TSHZ3: variants seen among roughly 807,000 people sequenced by gnomAD.
TSHZ3 encodes teashirt zinc finger homeobox 3, also known as teashirt homolog 3.
In TSHZ3, 10 loss-of-function variants were observed where a neutral mutation model predicts 64.5. The ratio of observed to expected loss-of-function variants is 0.16; its 90% CI spans 0.10 to 0.26. The LOEUF is 0.26. TSHZ3 is among the 10% of genes least tolerant of loss of function. The probability of loss-of-function intolerance (pLI) is 1.00; values close to 1 mark genes in which losing one functional copy is unlikely to be tolerated. For missense variants in TSHZ3, 1,242 were observed against 1,421.7 expected (o/e 0.87, Z 2.03); for synonymous variants, 608 against 593.1 (o/e 1.03, Z -0.36).
chr19:31,313,532 C>T (rs1408235507), intron 1 of TSHZ3, among the ~76,000 whole-genome samples: 2 of 152,204 alleles, frequency 1.3e-5, no homozygotes, highest in Non-Finnish European at 2.9e-5. Context: ...CACTGCGTAC[C>T]ACCTGCCTGT....
At chr19:31,331,144 C>A (rs1172544733) in intron 1 of TSHZ3, among the ~76,000 whole-genome samples, 1 of 152,110 alleles carries the variant, frequency 6.6e-6, no homozygotes, top group East Asian at 1.9e-4. Flanking sequence ...CTAAGAGAGA[C>A]CCCCGGGCTG....
chr19:31,204,489 A>G (rs1052773666), intron 5 of TSHZ3, among the ~76,000 whole-genome samples: 1 of 152,022 alleles, frequency 6.6e-6, no homozygotes, highest in East Asian at 1.9e-4. Context: ...AGTTAAAATT[A>G]TGTAAATTAA....
chr19:31,222,334 AG>A (rs1975403586), intron 4 of TSHZ3, among the ~76,000 whole-genome samples: 1 of 152,242 alleles, frequency 6.6e-6, no homozygotes, highest in Non-Finnish European at 1.5e-5. Context: ...GAATGGGGTC[AG>A]TCAAACGCAT....
intron 1 of TSHZ3, among the ~76,000 whole-genome samples, chr19:31,307,567 C>T (rs1166380004): frequency 6.6e-6 from 1 of 152,166 alleles, no homozygotes; most frequent in Non-Finnish European, 1.5e-5. Context: ...GCCAAGGGTG[C>T]CCCCCAAGCC....
chr19:31,316,223 C>G (rs1186452012), intron 1 of TSHZ3, among the ~76,000 whole-genome samples: 2 of 152,170 alleles, frequency 1.3e-5, no homozygotes, highest in Non-Finnish European at 2.9e-5. Flanking sequence ...GAGTTCCCTG[C>G]TACTTAAAAT....
intron 4 of TSHZ3, among the ~76,000 whole-genome samples, chr19:31,227,614 A>C (rs1322414484): frequency 2.0e-5 from 3 of 152,154 alleles, no homozygotes; most frequent in African/African-American, 7.2e-5. Context: ...CCCTAATGCC[A>C]ATGTTGAACA....
At chr19:31,160,453 C>T (rs992147190) in intron 5 of TSHZ3, among the ~76,000 whole-genome samples, 6 of 152,150 alleles carry the variant, frequency 3.9e-5, no homozygotes, top group Non-Finnish European at 5.9e-5. Context: ...AGCCATAAAG[C>T]GAATTTCCCC....
chr19:31,320,270 G>A (rs1916728298), intron 1 of TSHZ3, among the ~76,000 whole-genome samples: 1 of 152,126 alleles, frequency 6.6e-6, no homozygotes, highest in Admixed American at 6.5e-5. Flanking sequence ...AGCAATACTA[G>A]GCTCGTGTTT....
Position 31,195,025 on chromosome 19 carries a change from C to T in TSHZ3, n.809+9931G>A, listed in dbSNP as rs533916427. ...GCTTCAAAGGTATCTCAATAGAAAC[C>T]TCCAAAATTGAAAAGCAGGGAGAAA... On this transcript the variant is annotated intron_variant and non_coding_transcript_variant, in intron 5 of 6. Transcript: ENST00000651361. Among the ~76,000 whole-genome samples, 73 of 151,964 alleles carry T rather than the reference C, an allele frequency of 4.8e-4. 1 individual carries two copies. The highest frequency in any genetic ancestry group is 1.7e-3 in the African/African-American group (71 of 41,428).
intron 5 of TSHZ3, among the ~76,000 whole-genome samples, chr19:31,172,512 A>G (rs2074370515): frequency 6.6e-6 from 1 of 152,258 alleles, no homozygotes; most frequent in Non-Finnish European, 1.5e-5. Flanking sequence ...TGCACAGGCA[A>G]GTGTTCCTTC....
chr19:31,237,139 C>T lies in TSHZ3; in HGVS notation n.550+5130G>A, dbSNP rs146920985. Among the ~76,000 whole-genome samples the T allele has an allele frequency of 7.3e-3, 1,113 of 152,258 alleles. 12 individuals are homozygous for T. Among genetic ancestry groups the T allele is most frequent in the African/African-American group, 0.026 (1,060 of 41,544 alleles). Reference sequence around the variant, plus strand: ...CTCCAGACTGGGAGACAGAGCGAAACTCCGTCTAAGAAAAAACAAACAAAC... The same window carrying T: ...CTCCAGACTGGGAGACAGAGCGAAATTCCGTCTAAGAAAAAACAAACAAAC... On this transcript the variant is annotated intron_variant and non_coding_transcript_variant, in intron 3 of 6. Transcript: ENST00000651361.
chr19:31,205,931 A>T (rs1191430743), intron 4 of TSHZ3, among the ~76,000 whole-genome samples: 5 of 152,208 alleles, frequency 3.3e-5, no homozygotes, highest in African/African-American at 7.2e-5. Context: ...CTAGAGATAC[A>T]TGGTTGGCTG....
intron 1 of TSHZ3, among the ~76,000 whole-genome samples, chr19:31,292,829 T>A (rs1414000558): frequency 1.3e-5 from 2 of 149,138 alleles, no homozygotes; most frequent in African/African-American, 2.5e-5. Flanking sequence ...CATTCATCCA[T>A]CCATATATCC....
In TSHZ3 at chr19:31,276,824, G is replaced by T; in HGVS notation, c.2969C>A (p.Thr990Lys). 6.2e-7 allele frequency: 1 copy of T among 1,614,202 alleles called. No homozygotes were observed. The highest frequency in any genetic ancestry group is 1.1e-5 in the South Asian group (1 of 91,086). The change falls in exon 2 of 2, where the codon ACG becomes AAG. Residue 990 changes from threonine (T) to lysine (K), a missense_variant. Transcript: ENST00000240587. ...DCASQIRTPSTYISHLESHLG... is the reference protein window; with the variant it reads ...DCASQIRTPSKYISHLESHLG... ...GTGTGACTCTAGGTGACTGATGTAC[G>T]TGGAAGGAGTCCTGATTTGGGACGC...
intron 1 of TSHZ3, among the ~76,000 whole-genome samples, chr19:31,305,918 C>T (rs1247186902): frequency 4.6e-5 from 7 of 151,958 alleles, no homozygotes; most frequent in African/African-American, 1.7e-4. Flanking sequence ...TAAAAAAAAT[C>T]GTAAATATCT....
chr19:31,192,246 G>T (rs912938141), intron 5 of TSHZ3, among the ~76,000 whole-genome samples: 2 of 152,220 alleles, frequency 1.3e-5, no homozygotes, highest in Admixed American at 6.5e-5. Flanking sequence ...ACAAAAAGCA[G>T]AAGGCACATT....
intron 1 of TSHZ3, among the ~76,000 whole-genome samples, chr19:31,346,430 G>C (rs564473484): frequency 1.3e-5 from 2 of 152,164 alleles, no homozygotes; most frequent in Non-Finnish European, 2.9e-5. Context: ...ACACTGCGTC[G>C]AGCTTGTCAT....
At chr19:31,157,851 G>A (rs553927267) in intron 5 of TSHZ3, among the ~76,000 whole-genome samples, 13 of 152,288 alleles carry the variant, frequency 8.5e-5, no homozygotes, top group Non-Finnish European at 1.9e-4. Flanking sequence ...CCCAAGGGAG[G>A]TAGGCAGAGT....
At chr19:31,264,576 G>C (rs1181535898) in intron 1 of TSHZ3, among the ~76,000 whole-genome samples, 1 of 152,198 alleles carries the variant, frequency 6.6e-6, no homozygotes, top group Non-Finnish European at 1.5e-5. Flanking sequence ...GTCTAAAATG[G>C]GCGGCTGCTG....
Sources: allele counts gnomAD v4.1 joint callset (sites outside exome capture counted in the v4.1 genomes callset), GRCh38; gene constraint gnomAD v4.1.1; transcripts MANE v1.5; gene names NCBI Gene and HGNC (gene_info 2026-07-23, HGNC 2026-07-21).